Variants in CRPPA observed in about 807,000 individuals in gnomAD.
CRPPA encodes CDP-L-ribitol pyrophosphorylase A.
Under a neutral mutation model 52.0 loss-of-function variants are expected in CRPPA, and 43 were observed. That is an observed-to-expected ratio of 0.83 (90% CI 0.65 to 1.07). The LOEUF (loss-of-function observed/expected upper bound fraction) is 1.07. Among genes scored for constraint, CRPPA ranks in the 50% least tolerant of loss-of-function variants. The probability of loss-of-function intolerance (pLI) is 0.00; values close to 1 mark genes in which losing one functional copy is unlikely to be tolerated. For synonymous variants in CRPPA, 250 were observed against 203.5 expected (o/e 1.23, Z -1.94); for missense variants, 629 against 551.7 (o/e 1.14, Z -1.40).
At chr7:16,209,022 C>A in intron 9 of CRPPA, 1 of 441,024 alleles carries the variant, frequency 2.3e-6, no homozygotes, top group Non-Finnish European at 4.5e-6. Flanking sequence ...TGACACAGGG[C>A]AAGAAGGGCA....
chr7:16,170,708 G>C (rs1781163375), intron 9 of CRPPA, among the ~76,000 whole-genome samples: 1 of 152,192 alleles, frequency 6.6e-6, no homozygotes, highest in South Asian at 2.1e-4. Flanking sequence ...TGGGCTGCAG[G>C]TCCCGAGCCC....
chr7:16,395,479 G>A (rs1260397876), intron 2 of CRPPA, among the ~76,000 whole-genome samples: 1 of 152,074 alleles, frequency 6.6e-6, no homozygotes, highest in African/African-American at 2.4e-5. Flanking sequence ...TTTGCAGAAC[G>A]GCATCTCTAA....
intron 9 of CRPPA, among the ~76,000 whole-genome samples, chr7:16,144,360 G>T (rs1461743894): frequency 1.3e-5 from 2 of 152,230 alleles, no homozygotes; most frequent in Non-Finnish European, 2.9e-5. Flanking sequence ...GTCCAAGGCA[G>T]TCCTACCTGT....
chr7:16,286,612 C>G (rs1784456304), intron 5 of CRPPA, among the ~76,000 whole-genome samples: 1 of 152,066 alleles, frequency 6.6e-6, no homozygotes, highest in South Asian at 2.1e-4. Context: ...TAAGGTCCAC[C>G]TCAAGTACCA....
intron 3 of CRPPA, among the ~76,000 whole-genome samples, chr7:16,357,183 A>ATTTG (rs1346105046): frequency 8.9e-6 from 1 of 112,490 alleles, no homozygotes; most frequent in Non-Finnish European, 2.0e-5. Context: ...TTATTTATTT[A>ATTTG]TTTATTTATT....
chr7:16,277,935 C>G (rs1163377274), intron 6 of CRPPA, among the ~76,000 whole-genome samples, 194 bp downstream of exon 6: 1 of 152,026 alleles, frequency 6.6e-6, no homozygotes, highest in Admixed American at 6.5e-5. Context: ...AAAAAATCCA[C>G]AAAAGGAATG....
At chr7:16,393,243 A>G (rs913991721) in intron 2 of CRPPA, among the ~76,000 whole-genome samples, 2 of 152,188 alleles carry the variant, frequency 1.3e-5, no homozygotes, top group Non-Finnish European at 2.9e-5. Flanking sequence ...TTTAGAATGC[A>G]TATATACACA....
intron 3 of CRPPA, among the ~76,000 whole-genome samples, chr7:16,370,305 C>T (rs1164379715): frequency 6.6e-6 from 1 of 152,168 alleles, no homozygotes; most frequent in Non-Finnish European, 1.5e-5. Flanking sequence ...TGGGGAGGGA[C>T]ATGGCCTGAA....
At chr7:16,158,472 A>C (rs1783234639) in intron 9 of CRPPA, among the ~76,000 whole-genome samples, 1 of 152,118 alleles carries the variant, frequency 6.6e-6, no homozygotes, top group South Asian at 2.1e-4. Flanking sequence ...AGATATTAGA[A>C]AATATTAATA....
chr7:16,160,917 T>C (rs888743320), intron 9 of CRPPA, among the ~76,000 whole-genome samples: 1 of 152,190 alleles, frequency 6.6e-6, no homozygotes, highest in Admixed American at 6.5e-5. Context: ...TTATTCTCTT[T>C]GCAGCAATTG....
At chr7:16,327,282 C>G (rs1785421389) in intron 3 of CRPPA, among the ~76,000 whole-genome samples, 1 of 152,122 alleles carries the variant, frequency 6.6e-6, no homozygotes, top group African/African-American at 2.4e-5. Flanking sequence ...AACATGCATC[C>G]TGTGCAGACA....
intron 9 of CRPPA, among the ~76,000 whole-genome samples, chr7:16,145,473 T>C (rs1782957136): frequency 1.3e-5 from 2 of 152,048 alleles, no homozygotes; most frequent in South Asian, 4.1e-4. Context: ...TAATAAACCC[T>C]CAGTAACCAA....
chr7:16,209,036 AT>A, intron 9 of CRPPA: 1 of 440,658 alleles, frequency 2.3e-6, no homozygotes, highest in Non-Finnish European at 4.5e-6. Flanking sequence ...AAGGGCAAGG[AT>A]TTTCTGTATG....
At chr7:16,301,984 A>G (rs771680028) in intron 4 of CRPPA, among the ~76,000 whole-genome samples, 18 of 152,182 alleles carry the variant, frequency 1.2e-4, no homozygotes, top group Non-Finnish European at 1.9e-4. Flanking sequence ...GCTAAAATAG[A>G]AAGAGCCTAT....
chr7:16,412,221 C>T (rs1158028287), intron 1 of CRPPA, among the ~76,000 whole-genome samples: 2 of 152,112 alleles, frequency 1.3e-5, no homozygotes, highest in Admixed American at 1.3e-4. Flanking sequence ...TCTCAAACTG[C>T]CAATTTCGGG....
At chr7:16,255,474 G>A (rs1291250484) in intron 8 of CRPPA, among the ~76,000 whole-genome samples, 1 of 152,114 alleles carries the variant, frequency 6.6e-6, no homozygotes. Context: ...AAAAGAGCCT[G>A]CATTGCCAAG....
intron 8 of CRPPA, among the ~76,000 whole-genome samples, chr7:16,222,790 T>C (rs1279692587): frequency 6.6e-6 from 1 of 152,158 alleles, no homozygotes. Context: ...TACTGATCAT[T>C]TTTAAAACAT....
At position 16,307,318 on chromosome 7, in the gene CRPPA, C is replaced by T. The variant is rs186984332; in HGVS notation, c.789+1205G>A. Among the ~76,000 whole-genome samples, 65 of 152,254 alleles carry T rather than the reference C, an allele frequency of 4.3e-4. 1 individual carries two copies. The highest frequency in any genetic ancestry group is 1.5e-3 in the African/African-American group (64 of 41,552). The stretch of plus-strand genomic sequence containing the variant: ...ACAAAGAATCACACTCTAAACCATC[C>T]CTGGCCTTGATAAGAAGCTGCAGTA... On this transcript the variant is annotated intron_variant, in intron 4 of 9. Transcript: ENST00000407010.
chr7:16,304,954 C>G lies in CRPPA; in HGVS notation c.790-3488G>C, dbSNP rs926485446. Among the ~76,000 whole-genome samples, 9 of 152,168 alleles carry G rather than the reference C, an allele frequency of 5.9e-5. No individual in the cohort carries two copies. The South Asian group carries it at 1.2e-3, about 21-fold the overall frequency. On this transcript the variant is annotated intron_variant, in intron 4 of 9. Coordinates refer to ENST00000407010, the MANE Select transcript of CRPPA (RefSeq NM_001101426.4). ...AAGTACATGGCCATGCCATCTGAGTCCAGTACCAGTTTAGCATAATTGTAC... is the reference window on the plus strand; with the variant it reads ...AAGTACATGGCCATGCCATCTGAGTGCAGTACCAGTTTAGCATAATTGTAC...
Sources: allele counts gnomAD v4.1 joint callset (sites outside exome capture counted in the v4.1 genomes callset), GRCh38; gene constraint gnomAD v4.1.1; transcripts MANE v1.5; gene names NCBI Gene and HGNC (gene_info 2026-07-23, HGNC 2026-07-21).